KAZN: variants seen among roughly 807,000 people sequenced by gnomAD.
KAZN encodes the protein kazrin, periplakin interacting protein.
A neutral mutation model predicts 87.4 loss-of-function variants in KAZN; 40 were observed. The observed-to-expected ratio is 0.46, with a 90% confidence interval of 0.36 to 0.60. The LOEUF (loss-of-function observed/expected upper bound fraction) is 0.60. Ranked by LOEUF, KAZN falls within the 20% of genes least tolerant of loss-of-function variation. The pLI is 0.00. For missense variants in KAZN, 898 were observed against 1,073.9 expected, an observed-to-expected ratio of 0.84 and a Z score of 2.29; for synonymous variants, 466 against 458.3, an observed-to-expected ratio of 1.02 and a Z score of -0.22.
intron 2 of KAZN, among the ~76,000 whole-genome samples, chr1:15,018,924 G>T (rs1159423503): frequency 3.3e-5 from 5 of 152,218 alleles, no homozygotes; most frequent in Admixed American, 6.5e-5. Flanking sequence ...GAGGTTGCTA[G>T]GTTGTTATTG....
chr1:14,314,598 C>T (rs1655526580), intron 2 of KAZN, among the ~76,000 whole-genome samples: 1 of 152,144 alleles, frequency 6.6e-6, no homozygotes, highest in South Asian at 2.1e-4. Flanking sequence ...TCAATCACTG[C>T]ATCCTCATTC....
chr1:14,545,268 G>T (rs1019933040), intron 2 of KAZN, among the ~76,000 whole-genome samples: 2 of 152,106 alleles, frequency 1.3e-5, no homozygotes, highest in Admixed American at 6.5e-5. Context: ...TTGTCACAGA[G>T]GTAGCCAGGA....
Position 15,096,168 on chromosome 1 carries a change from C to T in KAZN, c.1547+1235C>T, listed in dbSNP as rs527542130. Reference sequence around the variant, plus strand: ...CTTTGGTCACCCAAGTAGGAAATCCCTCCTGCCCCCTTACCCCACACCCAG... The same window carrying T: ...CTTTGGTCACCCAAGTAGGAAATCCTTCCTGCCCCCTTACCCCACACCCAG... On this transcript the variant is annotated intron_variant, in intron 10 of 14. Transcript: ENST00000376030. The surrounding 1 kb of genome is among the most constrained non-coding windows in gnomAD (Gnocchi z 4.5). Among the ~76,000 whole-genome samples, 7 of 152,334 alleles carry T rather than the reference C, an allele frequency of 4.6e-5. No homozygotes were observed. Among genetic ancestry groups the T allele is most frequent in the Non-Finnish European group, 1.0e-4 (7 of 68,034 alleles).
At chr1:14,561,480 A>G (rs183945205) in intron 2 of KAZN, among the ~76,000 whole-genome samples, 71 of 152,284 alleles carry the variant, frequency 4.7e-4, no homozygotes, top group African/African-American at 1.6e-3. Context: ...CCCTGGGCCA[A>G]TCAGCTTTTG....
At chr1:14,997,197 TTTCTTTCATTTATTTATTTA>T (rs1667961264) in intron 2 of KAZN, among the ~76,000 whole-genome samples, 4 of 129,512 alleles carry the variant, frequency 3.1e-5, no homozygotes, top group South Asian at 2.5e-4. Context: ...CTTTTCTTTC[TTTCTTTCATTTATTTATTTA>T]TTTATTTATT....
chr1:14,403,431 A>C (rs1663581553), intron 2 of KAZN, among the ~76,000 whole-genome samples: 2 of 152,218 alleles, frequency 1.3e-5, no homozygotes, highest in Admixed American at 1.3e-4. Context: ...AGAAACATTA[A>C]TATTTGGTTC....
chr1:14,837,667 C>T (rs1199857057), intron 1 of KAZN, among the ~76,000 whole-genome samples: 1 of 151,766 alleles, frequency 6.6e-6, no homozygotes, highest in African/African-American at 2.4e-5. Context: ...ATCCTCCCAC[C>T]TCAGCCTCCT....
chr1:14,467,461 C>T (rs1668227108), intron 2 of KAZN, among the ~76,000 whole-genome samples: 1 of 151,686 alleles, frequency 6.6e-6, no homozygotes, highest in Non-Finnish European at 1.5e-5. Context: ...AGCAAAATGG[C>T]AGATGTCAAT....
intron 1 of KAZN, among the ~76,000 whole-genome samples, chr1:14,920,763 A>C (rs1234932946): frequency 1.3e-5 from 2 of 152,174 alleles, no homozygotes; most frequent in African/African-American, 4.8e-5. Context: ...CATGCCCAGA[A>C]GCTGGCTCTG....
Position 14,389,673 on chromosome 1 carries a change from G to C in KAZN, c.249+209081G>C, listed in dbSNP as rs142790853. 2.9e-3 allele frequency among the ~76,000 whole-genome samples: 441 copies of C among 152,296 alleles called. 1 individual carries two copies. Among genetic ancestry groups the C allele is most frequent in the African/African-American group, 9.6e-3 (400 of 41,562 alleles). Reference sequence around the variant, plus strand: ...TAAAACAATTTAACTCATGGAGATAGAGAGTAGAAGGATGGTTACCAGAGG... The same window carrying C: ...TAAAACAATTTAACTCATGGAGATACAGAGTAGAAGGATGGTTACCAGAGG... On this transcript the variant is annotated intron_variant, in intron 2 of 16. Coordinates refer to the KAZN transcript ENST00000636203.
chr1:14,116,413 C>T (rs1422391078), intron 1 of KAZN, among the ~76,000 whole-genome samples: 2 of 152,190 alleles, frequency 1.3e-5, no homozygotes, highest in Non-Finnish European at 2.9e-5. Context: ...GTCTTGGCTT[C>T]AGAGGGTGCA....
At chr1:13,981,097 A>ATATATATATATATATATG (rs372269866) in intron 1 of KAZN, among the ~76,000 whole-genome samples, 8 of 96,936 alleles carry the variant, frequency 8.3e-5, no homozygotes, top group East Asian at 6.6e-4. Context: ...CTTTATATAT[A>ATATATATATATATATATG]TATATATATA....
chr1:15,114,425 T>G, intron 14 of KAZN, 46 bp from the exon 15 acceptor site: 1 of 1,493,394 alleles, frequency 6.7e-7, no homozygotes. Flanking sequence ...TTCTTAATTC[T>G]TGTTTCTCTT....
intron 1 of KAZN, among the ~76,000 whole-genome samples, chr1:14,611,365 G>GAAAAAAAAA (rs1218382136): frequency 1.3e-5 from 2 of 152,184 alleles, no homozygotes; most frequent in Non-Finnish European, 2.9e-5. Flanking sequence ...TAGAAAAGTA[G>GAAAAAAAAA]AAAGTATTTT....
intron 2 of KAZN, among the ~76,000 whole-genome samples, chr1:14,474,212 A>T (rs559557710): frequency 6.6e-6 from 1 of 152,162 alleles, no homozygotes; most frequent in African/African-American, 2.4e-5. Context: ...TTTCTAGTAC[A>T]TGCAAATACC....
chr1:14,712,913 G>A (rs540371570), intron 1 of KAZN, among the ~76,000 whole-genome samples: 4 of 152,296 alleles, frequency 2.6e-5, no homozygotes, highest in South Asian at 4.1e-4. Flanking sequence ...CCCAGCCCTC[G>A]TGGTGCGAAG....
At chr1:14,361,025 G>GA (rs1659461825) in intron 2 of KAZN, among the ~76,000 whole-genome samples, 1 of 152,232 alleles carries the variant, frequency 6.6e-6, no homozygotes, top group Non-Finnish European at 1.5e-5. Context: ...TAAGTCTGCT[G>GA]AAGCTGCACA....
intron 1 of KAZN, among the ~76,000 whole-genome samples, chr1:13,897,882 G>A (rs933633120): frequency 6.6e-6 from 1 of 152,160 alleles, no homozygotes; most frequent in African/African-American, 2.4e-5. Flanking sequence ...TCACTTAATA[G>A]TCCTGTGAGG....
rs556132281 is a variant in KAZN, at chr1:14,062,590, A to G, written c.92-117845A>G. 1.2e-3 allele frequency among the ~76,000 whole-genome samples: 189 copies of G among 152,252 alleles called. 1 individual carries two copies. The highest frequency in any genetic ancestry group is 6.8e-3 in the Middle Eastern group (2 of 294). On this transcript the variant is annotated intron_variant, in intron 1 of 16. Coordinates refer to the KAZN transcript ENST00000636203. Reference sequence around the variant, plus strand: ...AGCCATTTGTTCAGTAATCTATCAGATATCTATTGAGCACATACTAAATGA... The same window carrying G: ...AGCCATTTGTTCAGTAATCTATCAGGTATCTATTGAGCACATACTAAATGA...
Sources: gnomAD v4.1 joint callset for allele counts (sites outside exome capture counted in the v4.1 genomes callset) on GRCh38, gnomAD v4.1.1 for gene constraint, Gnocchi (gnomAD v3.1) non-coding constraint, MANE v1.5 for transcripts, NCBI Gene and HGNC (gene_info 2026-07-23, HGNC 2026-07-21) for gene names.